Variants in CGNL1 observed in about 807,000 individuals in gnomAD.
The protein encoded by CGNL1 is cingulin like 1.
A neutral mutation model predicts 141.2 loss-of-function variants in CGNL1; 132 were observed. The observed-to-expected ratio is 0.93, with a 90% CI of 0.81 to 1.08. The LOEUF is 1.08. Ranked by LOEUF, CGNL1 falls within the 50% of genes least tolerant of loss-of-function variation. The pLI, the probability that CGNL1 is intolerant of heterozygous loss-of-function variation, is 0.00. For missense variants in CGNL1, 1,870 were observed against 1,588.6 expected, an observed-to-expected ratio of 1.18 and a Z score of -3.01; for synonymous variants, 690 against 622.1, an observed-to-expected ratio of 1.11 and a Z score of -1.63.
chr15:57,451,956 C>T (rs554090652), intron 5 of CGNL1, among the ~76,000 whole-genome samples, 185 bp from the exon 6 acceptor site: 1 of 152,262 alleles, frequency 6.6e-6, no homozygotes, highest in East Asian at 1.9e-4. Context: ...TATTACAGTT[C>T]ATTAAATATA....
chr15:57,438,731 G>A lies in CGNL1; in HGVS notation c.732G>A (p.Arg244=). The part of the protein sequence containing the change: ...CVNVQSCTKE[R]VGEEALFTSG... Reference sequence around the variant, plus strand: ...ACGTTCAGAGCTGCACCAAGGAGAGGGTGGGAGAGGAGGCCCTTTTCACTA... The same window carrying A: ...ACGTTCAGAGCTGCACCAAGGAGAGAGTGGGAGAGGAGGCCCTTTTCACTA... The change falls in exon 2 of 19, where the codon AGG becomes AGA. Residue 244 remains arginine, a synonymous_variant. Transcript: ENST00000281282. The A allele has an allele frequency of 6.2e-7, 1 of 1,614,132 alleles. No homozygotes were observed. The highest frequency in any genetic ancestry group is 1.1e-5 in the South Asian group (1 of 91,076).
At chr15:57,425,218 G>C (rs1030171859) in intron 1 of CGNL1, among the ~76,000 whole-genome samples, 3 of 152,100 alleles carry the variant, frequency 2.0e-5, no homozygotes, top group African/African-American at 7.2e-5. Context: ...AGAATAATAG[G>C]CTGGGCGTGG....
chr15:57,452,171 A>C lies in CGNL1; in HGVS notation c.1936A>C (p.Arg646=), dbSNP rs2063329800. 6.2e-7 allele frequency: 1 copy of C among 1,613,288 alleles called. No individual in the cohort carries two copies. The highest frequency in any genetic ancestry group is 8.5e-7 in the Non-Finnish European group (1 of 1,179,612). The change falls in exon 6 of 19, where the codon AGG becomes CGG. Residue 646 remains arginine (R), a synonymous_variant. Coordinates refer to ENST00000281282, the MANE Select transcript of CGNL1 (RefSeq NM_032866.5). The part of the protein sequence containing the change: ...NQQNIKEERE[R]MRANLEELRS... ...ACAGAACATTAAAGAAGAGAGAGAG[A>C]GGATGAGAGCAAACCTAGAAGAGCT... is the stretch of plus-strand genomic sequence containing the variant.
In CGNL1 at chr15:57,548,182, G is replaced by T. The variant is rs1197286709; in HGVS notation, c.*692G>T. The T allele has an allele frequency of 6.6e-6, 1 of 152,048 alleles. No individual in the cohort carries two copies. The highest frequency in any genetic ancestry group is 1.5e-5 in the Non-Finnish European group (1 of 68,052). 9.4% of individuals were successfully genotyped at this position (152,048 alleles called of 1,614,324 possible). A position where few individuals can be genotyped will look rare whatever the true frequency, so the allele number is the denominator to read the frequency against. ...ACTCCTGGCTAATTTTTTGTATTTA[G>T]TAGAGACGGGGTTTCACCATGTTGG... On this transcript the variant is annotated 3_prime_UTR_variant, in exon 19 of 19. Coordinates refer to ENST00000281282, the MANE Select transcript of CGNL1 (RefSeq NM_032866.5).
chr15:57,406,884 G>A (rs1328087888), intron 1 of CGNL1: 1 of 152,208 alleles, frequency 6.6e-6, no homozygotes, highest in Non-Finnish European at 1.5e-5. Flanking sequence ...CCAAATACTG[G>A]TGCTTACTGT....
intron 1 of CGNL1, among the ~76,000 whole-genome samples, chr15:57,434,528 A>C (rs976615023): frequency 1.3e-5 from 2 of 152,224 alleles, no homozygotes; most frequent in African/African-American, 4.8e-5. Flanking sequence ...TTATGTGCTC[A>C]TGTTTTATAA....
intron 14 of CGNL1, among the ~76,000 whole-genome samples, chr15:57,535,538 A>G (rs140405472): frequency 6.5e-4 from 99 of 152,336 alleles, no homozygotes; most frequent in African/African-American, 2.3e-3. Context: ...GATAGAAGGA[A>G]TGGTGTGAAC....
rs758346692 is a variant in CGNL1 at position 57,523,675 on chromosome 15, C to A, written c.2868+34C>A. On this transcript the variant is annotated intron_variant, in intron 11 of 18. Transcript: ENST00000281282. ...CTGGAGGAGGAAAGAGGAAGTAGGG[C>A]CAGATGTCTTTGTTGGACCCAGTCC... The A allele has an allele frequency of 5.6e-6, 9 of 1,609,466 alleles. No homozygotes were observed. The East Asian group carries it at 2.0e-4, about 36-fold the overall frequency.
At chr15:57,475,471 G>A (rs2063640320) in intron 8 of CGNL1, among the ~76,000 whole-genome samples, 1 of 151,546 alleles carries the variant, frequency 6.6e-6, no homozygotes, top group African/African-American at 2.4e-5. Flanking sequence ...GAGAAACTGG[G>A]ATCTATGTAT....
chr15:57,464,686 T>TTTCCC (rs2063488712), intron 8 of CGNL1, among the ~76,000 whole-genome samples: 1 of 127,196 alleles, frequency 7.9e-6, no homozygotes, highest in African/African-American at 4.1e-5. Context: ...TTTCCTTTCC[T>TTTCCC]TTCCTTTCCT....
At chr15:57,488,830 A>G (rs1466391559) in intron 8 of CGNL1, among the ~76,000 whole-genome samples, 2 of 152,232 alleles carry the variant, frequency 1.3e-5, no homozygotes, top group Non-Finnish European at 2.9e-5. Context: ...TAGCTGACAC[A>G]AATGACTTCC....
intron 8 of CGNL1, among the ~76,000 whole-genome samples, chr15:57,469,476 A>G (rs1212300911): frequency 2.0e-5 from 3 of 151,714 alleles, no homozygotes; most frequent in African/African-American, 4.8e-5. Context: ...CCTGAAGAGA[A>G]GCAGCCACAT....
At chr15:57,389,101 G>T (rs2414505) in intron 1 of CGNL1, among the ~76,000 whole-genome samples, 36,791 of 151,832 alleles carry the variant, frequency 0.24, 5,012 homozygotes, top group Middle Eastern at 0.35. Flanking sequence ...TTCGTGATCA[G>T]TGGCTGCACC....
intron 8 of CGNL1, among the ~76,000 whole-genome samples, chr15:57,476,217 A>T (rs1275174540): frequency 1.3e-5 from 2 of 152,084 alleles, no homozygotes; most frequent in Non-Finnish European, 1.5e-5. Flanking sequence ...TAGGCAGGCC[A>T]GGGCGGGTTC....
At chr15:57,462,917 C>A (rs1385503606) in intron 8 of CGNL1, among the ~76,000 whole-genome samples, 1 of 152,004 alleles carries the variant, frequency 6.6e-6, no homozygotes, top group East Asian at 1.9e-4. Context: ...AAAAGCGAAA[C>A]CGATTTAATT....
intron 7 of CGNL1, among the ~76,000 whole-genome samples, chr15:57,458,628 A>G (rs1595725552): frequency 6.6e-6 from 1 of 152,188 alleles, no homozygotes; most frequent in East Asian, 1.9e-4. Context: ...AAAGCAGGAA[A>G]CAGGGGTCAG....
chr15:57,407,862 C>A (rs61515241), intron 1 of CGNL1, among the ~76,000 whole-genome samples: 14,154 of 150,934 alleles, frequency 0.094, 737 homozygotes, highest in South Asian at 0.15. Context: ...GATTCTCCTG[C>A]CCCCGCCTCC....
chr15:57,428,224 A>G (rs1464250577), intron 1 of CGNL1, among the ~76,000 whole-genome samples: 1 of 152,220 alleles, frequency 6.6e-6, no homozygotes. Context: ...TCCAGTGACC[A>G]TGTGAGCATA....
At chr15:57,446,726 G>T (rs1348168678) in intron 4 of CGNL1, among the ~76,000 whole-genome samples, 1 of 145,724 alleles carries the variant, frequency 6.9e-6, no homozygotes, top group Non-Finnish European at 1.5e-5. Flanking sequence ...ATATCTGAGA[G>T]TATAATTTGT....
Sources: gnomAD v4.1 joint callset for allele counts (sites outside exome capture counted in the v4.1 genomes callset) on GRCh38, gnomAD v4.1.1 for gene constraint, MANE v1.5 for transcripts, NCBI Gene and HGNC (gene_info 2026-07-23, HGNC 2026-07-21) for gene names.